GPATCH1: variants seen among roughly 807,000 people sequenced by gnomAD.
GPATCH1 encodes the protein G-patch domain containing 1.
A neutral mutation model predicts 114.9 loss-of-function variants in GPATCH1; 73 were observed. That is an observed-to-expected ratio of 0.64 (90% CI 0.53 to 0.77). The LOEUF is 0.77. Among genes scored for constraint, GPATCH1 ranks in the 30% least tolerant of loss-of-function variants. GPATCH1 has a pLI of 0.00. For missense variants in GPATCH1, 1,058 were observed against 1,144.3 expected (o/e 0.92, Z 1.09); for synonymous variants, 391 against 428.4 (o/e 0.91, Z 1.08).
chr19:33,097,249 T>C (rs1972671957), intron 7 of GPATCH1, among the ~76,000 whole-genome samples: 2 of 152,196 alleles, frequency 1.3e-5, no homozygotes, highest in African/African-American at 2.4e-5. Context: ...CGGCCCACCT[T>C]TTCTTTTTAT....
chr19:33,097,849 C>CT lies in GPATCH1; in HGVS notation c.948dup (p.Gly317TrpfsTer14). 2.5e-6 allele frequency: 4 copies of CT among 1,614,034 alleles called. No individual in the cohort carries two copies. Among genetic ancestry groups the CT allele is most frequent in the Non-Finnish European group, 2.5e-6 (3 of 1,179,954 alleles). On this transcript the variant is annotated frameshift_variant, in exon 8 of 20. Transcript: ENST00000170564. LOFTEE classifies it high-confidence loss of function. ...GACACTGTTCTGAAGGACGAGGAGCCTGGAGACGGACTCTATGGCTGGACA... is the reference window on the plus strand; with the variant it reads ...GACACTGTTCTGAAGGACGAGGAGCCTTGGAGACGGACTCTATGGCTGGACA...
intron 15 of GPATCH1, among the ~76,000 whole-genome samples, chr19:33,116,275 G>A (rs1210059827): frequency 6.6e-6 from 1 of 152,122 alleles, no homozygotes; most frequent in Non-Finnish European, 1.5e-5. Context: ...TAAAAGAACC[G>A]ATGCAGAGAC....
intron 19 of GPATCH1, among the ~76,000 whole-genome samples, chr19:33,127,698 G>A (rs983593451): frequency 1.7e-4 from 26 of 151,788 alleles, no homozygotes; most frequent in Non-Finnish European, 2.5e-4. Flanking sequence ...CACGTACATG[G>A]ATGCACATAC....
intron 9 of GPATCH1, 79 bp downstream of exon 9, chr19:33,101,653 TAAC>T: frequency 1.4e-6 from 1 of 717,142 alleles, no homozygotes; most frequent in Non-Finnish European, 2.4e-6. Context: ...TGAGTTCTAT[TAAC>T]AACAGGAAAG....
intron 4 of GPATCH1, 72 bp downstream of exon 4, chr19:33,093,591 G>C: frequency 7.3e-7 from 1 of 1,368,140 alleles, no homozygotes; most frequent in East Asian, 2.3e-5. Context: ...CTTGCTGAGG[G>C]ATAGTTTGAT....
At position 33,125,155 on chromosome 19, in the gene GPATCH1, A is replaced by G; in HGVS notation, c.2572A>G (p.Lys858Glu). 6.3e-7 allele frequency: 1 copy of G among 1,599,698 alleles called. No homozygotes were observed. The highest frequency in any genetic ancestry group is 2.3e-5 in the East Asian group (1 of 43,800). Residue 858 changes from lysine to glutamate, a missense_variant, in exon 18 of 20, where the codon AAA becomes GAA. This residue lies in a region of GPATCH1 where 893 missense variants were observed against 977.4 expected (regional missense o/e 0.91). Transcript: ENST00000170564. ...VPQKEKHKKN[K>E]DKHKAKKEHR... ...TCAAAAAGAGAAACATAAAAAGAAC[A>G]AAGACAAGCACAAGGCCAAGAAAGA...
At chr19:33,110,982 A>G (rs1446909820) in intron 11 of GPATCH1, among the ~76,000 whole-genome samples, 2 of 148,668 alleles carry the variant, frequency 1.3e-5, no homozygotes, top group African/African-American at 4.9e-5. Context: ...ATATATGTAT[A>G]TATAAAATAT....
At chr19:33,103,179 GT>G (rs1191408379) in intron 9 of GPATCH1, among the ~76,000 whole-genome samples, 1 of 152,138 alleles carries the variant, frequency 6.6e-6, no homozygotes, top group African/African-American at 2.4e-5. Context: ...TCAGCTTTTT[GT>G]TTTTTATTCA....
chr19:33,117,440 C>A (rs1327557454), intron 15 of GPATCH1, among the ~76,000 whole-genome samples: 1 of 152,060 alleles, frequency 6.6e-6, no homozygotes, highest in African/African-American at 2.4e-5. Context: ...GGATTACAGA[C>A]GCCCACCACC....
At chr19:33,105,934 G>C (rs531568801) in intron 9 of GPATCH1, among the ~76,000 whole-genome samples, 2 of 151,992 alleles carry the variant, frequency 1.3e-5, no homozygotes, top group South Asian at 2.1e-4. Flanking sequence ...TGCGACCTCT[G>C]CCTCCCGGGT....
chr19:33,102,698 A>G (rs536073137), intron 9 of GPATCH1, among the ~76,000 whole-genome samples: 2 of 152,222 alleles, frequency 1.3e-5, no homozygotes, highest in African/African-American at 2.4e-5. Context: ...CCCGGCCGCT[A>G]ATATTTCAAA....
intron 17 of GPATCH1, among the ~76,000 whole-genome samples, chr19:33,121,495 T>C (rs1458651923): frequency 1.3e-5 from 2 of 152,032 alleles, no homozygotes; most frequent in African/African-American, 2.4e-5. Context: ...AATTTTGTAT[T>C]TTTAGTAGAG....
intron 1 of GPATCH1, 37 bp downstream of exon 1, chr19:33,081,303 C>T (rs919450823): frequency 2.0e-5 from 30 of 1,502,742 alleles, no homozygotes; most frequent in Non-Finnish European, 5.4e-6. Context: ...CTGTGGAAAA[C>T]AGGCCAAGGG....
In GPATCH1 at chr19:33,113,056, C is replaced by T. The variant is rs527957914; in HGVS notation, c.1892+443C>T. 8 of 157,492 alleles carry T rather than the reference C, an allele frequency of 5.1e-5. No individual in the cohort carries two copies. The South Asian group carries it at 9.4e-4, about 19-fold the overall frequency. 9.8% of individuals were successfully genotyped at this position (157,492 alleles called of 1,614,324 possible). The stretch of plus-strand genomic sequence containing the variant: ...GCTTGGGAGGCCAAGGCAGGAGGAT[C>T]GCTTGAGCCCAGGAGTTCGAGGCCA... On this transcript the variant is annotated intron_variant, in intron 13 of 19. Coordinates refer to ENST00000170564, the MANE Select transcript of GPATCH1 (RefSeq NM_018025.3).
chr19:33,113,542 G>A (rs1309464937), intron 13 of GPATCH1: 1 of 463,060 alleles, frequency 2.2e-6, no homozygotes, highest in East Asian at 3.7e-5. Context: ...TTCCTTAATG[G>A]AAATCCATTT....
In GPATCH1 at chr19:33,109,998, A is replaced by G. The variant is rs146104059; in HGVS notation, c.1567A>G (p.Met523Val). Residue 523 changes from methionine (M) to valine (V), a missense_variant, in exon 11 of 20, where the codon ATG (methionine) becomes GTG (valine). Physicochemically the swap from Met to Val is conservative, Grantham distance 21. Coordinates refer to ENST00000170564, the MANE Select transcript of GPATCH1 (RefSeq NM_018025.3). ...QKRYDEFLVH[M>V]KQGQKDALER... ...GCGATACGACGAGTTCTTAGTACAC[A>G]TGAAACAGGGTCAGAAAGGTGGGTG... is the stretch of plus-strand genomic sequence containing the variant. The G allele has an allele frequency of 6.2e-6, 10 of 1,609,314 alleles. No individual in the cohort carries two copies. Among genetic ancestry groups the G allele is most frequent in the Admixed American group, 1.7e-5 (1 of 59,538 alleles).
intron 19 of GPATCH1, among the ~76,000 whole-genome samples, chr19:33,127,801 C>G (rs912537606): frequency 6.6e-6 from 1 of 151,404 alleles, no homozygotes; most frequent in African/African-American, 2.4e-5. Context: ...CTCTGCCTCC[C>G]GGGTTCAAGC....
At chr19:33,101,254 C>T (rs1350246735) in intron 8 of GPATCH1, among the ~76,000 whole-genome samples, 1 of 152,178 alleles carries the variant, frequency 6.6e-6, no homozygotes, top group East Asian at 1.9e-4. Flanking sequence ...AGGACCACAG[C>T]CTTGTGACCT....
Position 33,081,217 on chromosome 19 carries a change from C to G in GPATCH1, c.24C>G (p.Ser8Arg), listed in dbSNP as rs1364951667. 1 of 1,551,644 alleles carries G rather than the reference C, an allele frequency of 6.4e-7. No individual in the cohort carries two copies. The highest frequency in any genetic ancestry group is 2.4e-5 in the East Asian group (1 of 40,940). The change falls in exon 1 of 20, where the codon AGC becomes AGG. Residue 8 changes from serine (S) to arginine (R), a missense_variant. Ser to Arg is a moderately radical substitution (Grantham distance 110, BLOSUM62 -1). Coordinates refer to ENST00000170564, the MANE Select transcript of GPATCH1 (RefSeq NM_018025.3). ...GGATGGCGGCGCGGGACAGTGACAGCGAAGAAGATCTGGTCAGCTATGGGA... is the reference window on the plus strand; with the variant it reads ...GGATGGCGGCGCGGGACAGTGACAGGGAAGAAGATCTGGTCAGCTATGGGA... MAARDSD[S>R]EEDLVSYGTG... is the part of the protein sequence containing the mutation.
Sources: allele counts gnomAD v4.1 joint callset (sites outside exome capture counted in the v4.1 genomes callset), GRCh38; gene constraint gnomAD v4.1.1; regional missense constraint gnomAD v4.1.1; transcripts MANE v1.5; gene names NCBI Gene and HGNC (gene_info 2026-07-23, HGNC 2026-07-21).